The following VPS41 variants were observed in gnomAD, a reference collection of about 807,000 sequenced individuals.
VPS41 encodes VPS41 subunit of HOPS complex.
A neutral mutation model predicts 130.9 loss-of-function variants in VPS41; 85 were observed. The observed-to-expected ratio is 0.65, with a 90% confidence interval of 0.55 to 0.78. The LOEUF (loss-of-function observed/expected upper bound fraction) is 0.78. Among genes scored for constraint, VPS41 ranks in the 30% least tolerant of loss-of-function variants. The pLI is 0.00. For synonymous variants in VPS41, 335 were observed against 332.9 expected (o/e 1.01, Z -0.07); for missense variants, 874 against 1,018.7 (o/e 0.86, Z 1.93).
chr7:38,872,494 C>A (rs1181416407), intron 2 of VPS41, among the ~76,000 whole-genome samples: 1 of 152,194 alleles, frequency 6.6e-6, no homozygotes, highest in East Asian at 1.9e-4. Flanking sequence ...GTCTTAAATT[C>A]AATTCCCTTG....
At chr7:38,882,255 T>C (rs745704988) in intron 2 of VPS41, among the ~76,000 whole-genome samples, 3 of 152,180 alleles carry the variant, frequency 2.0e-5, no homozygotes, top group Non-Finnish European at 4.4e-5. Context: ...ACAATGATGG[T>C]GTCCTTCATC....
At chr7:38,842,141 A>G (rs1413616439) in intron 4 of VPS41, among the ~76,000 whole-genome samples, 1 of 152,200 alleles carries the variant, frequency 6.6e-6, no homozygotes, top group Non-Finnish European at 1.5e-5. Context: ...GAGTACTAAG[A>G]GTCATCCCAG....
At chr7:38,741,493 A>G (rs1300888393) in intron 25 of VPS41, 4 of 199,282 alleles carry the variant, frequency 2.0e-5, no homozygotes, top group Non-Finnish European at 4.5e-5. Flanking sequence ...AAACAGACAA[A>G]AGGTTAAATA....
chr7:38,844,440 T>TA (rs1253208426), intron 4 of VPS41, among the ~76,000 whole-genome samples: 2 of 152,226 alleles, frequency 1.3e-5, no homozygotes, highest in African/African-American at 4.8e-5. Context: ...TTTAGCCACT[T>TA]AAACTTCCAT....
chr7:38,839,782 C>T (rs1785571639), intron 4 of VPS41, among the ~76,000 whole-genome samples: 1 of 152,180 alleles, frequency 6.6e-6, no homozygotes, highest in African/African-American at 2.4e-5. Context: ...TATAAACTCT[C>T]CAATCTTTTC....
intron 10 of VPS41, among the ~76,000 whole-genome samples, chr7:38,787,625 T>C (rs934108192): frequency 1.3e-5 from 2 of 152,172 alleles, no homozygotes; most frequent in Admixed American, 1.3e-4. Context: ...CAGAAAGAGT[T>C]ATAAACAATT....
At chr7:38,803,198 G>C (rs979436443) in intron 7 of VPS41, among the ~76,000 whole-genome samples, 11 of 152,168 alleles carry the variant, frequency 7.2e-5, no homozygotes, top group African/African-American at 2.4e-4. Context: ...ATTCTTATCA[G>C]GCTGTAATGA....
intron 4 of VPS41, among the ~76,000 whole-genome samples, chr7:38,851,071 C>T (rs1785843918): frequency 6.6e-6 from 1 of 152,148 alleles, no homozygotes; most frequent in Non-Finnish European, 1.5e-5. Context: ...AACAAGATCC[C>T]CACCCCACCC....
chr7:38,762,923 G>C (rs1345229732), intron 17 of VPS41, among the ~76,000 whole-genome samples: 2 of 151,888 alleles, frequency 1.3e-5, no homozygotes, highest in Non-Finnish European at 2.9e-5. Flanking sequence ...AAATCAACAG[G>C]GTAACTTTGA....
chr7:38,841,614 G>A (rs2116224708), intron 4 of VPS41, among the ~76,000 whole-genome samples: 1 of 152,116 alleles, frequency 6.6e-6, no homozygotes, highest in South Asian at 2.1e-4. Flanking sequence ...CACAACTTTT[G>A]TTGTTGTTGT....
At chr7:38,772,694 A>G (rs1784176749) in intron 12 of VPS41, 57 bp from the exon 13 acceptor site, 6 of 1,253,360 alleles carry the variant, frequency 4.8e-6, no homozygotes, top group South Asian at 1.3e-5. Flanking sequence ...AAACTTGGCA[A>G]TGGTTTCAGA....
intron 9 of VPS41, among the ~76,000 whole-genome samples, chr7:38,794,669 T>C (rs1421007500): frequency 6.6e-6 from 1 of 152,266 alleles, no homozygotes; most frequent in East Asian, 1.9e-4. Flanking sequence ...CAAAGGAAAA[T>C]GGAGAAGCTG....
At chr7:38,786,492 A>C (rs950036785) in intron 10 of VPS41, among the ~76,000 whole-genome samples, 1 of 152,182 alleles carries the variant, frequency 6.6e-6, no homozygotes, top group Non-Finnish European at 1.5e-5. Flanking sequence ...TACACTACTG[A>C]GCGGGGAAAG....
intron 22 of VPS41, 51 bp from the exon 23 acceptor site, chr7:38,745,664 A>T: frequency 7.4e-7 from 1 of 1,347,796 alleles, no homozygotes; most frequent in Non-Finnish European, 1.0e-6. Context: ...AAATAAGAAC[A>T]AACAGTAATA....
chr7:38,805,857 C>T (rs1417738832), intron 7 of VPS41, among the ~76,000 whole-genome samples: 1 of 152,154 alleles, frequency 6.6e-6, no homozygotes, highest in East Asian at 1.9e-4. Context: ...AATAATTATT[C>T]CAGATTTGGC....
chr7:38,895,122 C>A (rs1226288658), intron 2 of VPS41, among the ~76,000 whole-genome samples: 1 of 152,098 alleles, frequency 6.6e-6, no homozygotes, highest in Non-Finnish European at 1.5e-5. Context: ...AGGAGTTTGA[C>A]ACCTGCTTGG....
intron 4 of VPS41, among the ~76,000 whole-genome samples, chr7:38,853,758 CT>C (rs1221864153): frequency 6.6e-6 from 1 of 152,196 alleles, no homozygotes; most frequent in Non-Finnish European, 1.5e-5. Flanking sequence ...TACTTCAACC[CT>C]GACTTTGAAA....
intron 4 of VPS41, among the ~76,000 whole-genome samples, chr7:38,859,272 A>G: frequency 6.6e-6 from 1 of 152,326 alleles, no homozygotes; most frequent in East Asian, 1.9e-4. Context: ...ACAGTAAGCT[A>G]AGGCTAATGT....
chr7:38,793,466 T>G (rs1166769410), intron 9 of VPS41, among the ~76,000 whole-genome samples: 1 of 152,148 alleles, frequency 6.6e-6, no homozygotes, highest in African/African-American at 2.4e-5. Context: ...GAACTGAGTT[T>G]GAAGAAAAGG....
Sources: gnomAD v4.1 joint callset for allele counts (sites outside exome capture counted in the v4.1 genomes callset) on GRCh38, gnomAD v4.1.1 for gene constraint, MANE v1.5 for transcripts, NCBI Gene and HGNC (gene_info 2026-07-23, HGNC 2026-07-21) for gene names.